The following FBLN7 variants were observed in gnomAD, a reference collection of about 807,000 sequenced individuals.
The protein encoded by FBLN7 is fibulin 7, also known as fibulin-7.
A neutral mutation model predicts 44.0 loss-of-function variants in FBLN7; 31 were observed. The ratio of observed to expected loss-of-function variants is 0.70; its 90% CI spans 0.53 to 0.95. FBLN7 has a LOEUF of 0.95. FBLN7 is among the 40% of genes least tolerant of loss of function. FBLN7 has a pLI of 0.00. For synonymous variants in FBLN7, 262 were observed against 253.4 expected (o/e 1.03, Z -0.32); for missense variants, 573 against 618.5 (o/e 0.93, Z 0.78).
intron 4 of FBLN7, among the ~76,000 whole-genome samples, chr2:112,180,526 T>C (rs1682927101): frequency 6.6e-6 from 1 of 152,074 alleles, no homozygotes; most frequent in African/African-American, 2.4e-5. Flanking sequence ...CATTCTACCA[T>C]AAAGACACAT....
At chr2:112,231,567 A>G in the FBLN7 span, among the ~76,000 whole-genome samples, 1 of 152,186 alleles carries the variant, frequency 6.6e-6, no homozygotes, top group Non-Finnish European at 1.5e-5. Flanking sequence ...TGCTTTGTTT[A>G]GCTTAGCTTA....
the FBLN7 span, chr2:112,216,489 C>G: frequency 3.3e-5 from 5 of 152,172 alleles, no homozygotes; most frequent in Admixed American, 3.3e-4. Context: ...AAACAGAGAA[C>G]AAAAACACAT....
Position 112,165,072 on chromosome 2 carries a change from G to C in FBLN7, c.307G>C (p.Val103Leu), listed in dbSNP as rs747336115. The part of the protein sequence containing the change: ...FGSKYLVDHE[V>L]HFTCNPGFRL... The stretch of plus-strand genomic sequence containing the variant: ...AAGCAAGTACTTAGTGGATCACGAA[G>C]TCCATTTTACCTGCAACCCTGGGTT... The change falls in exon 3 of 8, where the codon GTC becomes CTC. Residue 103 changes from valine to leucine, a missense_variant. By Grantham distance (32) the Val-to-Leu change is conservative. Coordinates refer to ENST00000331203, the MANE Select transcript of FBLN7 (RefSeq NM_153214.3). 3 of 1,614,198 alleles carry C rather than the reference G, an allele frequency of 1.9e-6. No individual in the cohort carries two copies. The Admixed American group carries it at 5.0e-5, about 27-fold the overall frequency.
chr2:112,193,343 G>A, the FBLN7 span, among the ~76,000 whole-genome samples: 3 of 152,192 alleles, frequency 2.0e-5, no homozygotes, highest in Non-Finnish European at 4.4e-5. Flanking sequence ...TGGAGGCTGA[G>A]GCAGGAGAAT....
chr2:112,214,481 A>G, the FBLN7 span: 2 of 152,020 alleles, frequency 1.3e-5, no homozygotes, highest in African/African-American at 4.8e-5. Context: ...GTTTTATTAT[A>G]TATATATTAT....
intron 5 of FBLN7, among the ~76,000 whole-genome samples, chr2:112,182,440 G>A (rs1212791733): frequency 6.6e-6 from 1 of 152,186 alleles, no homozygotes; most frequent in Non-Finnish European, 1.5e-5. Flanking sequence ...AGTTAACATG[G>A]GGCTGTTAAC....
the FBLN7 span, among the ~76,000 whole-genome samples, chr2:112,199,690 C>G: frequency 4.3e-4 from 65 of 152,286 alleles, no homozygotes; most frequent in Middle Eastern, 0.017. Flanking sequence ...CCCAAATGTT[C>G]ATGTGTTGGA....
At chr2:112,238,626 T>C in the FBLN7 span, 3 of 948,318 alleles carry the variant, frequency 3.2e-6, no homozygotes, top group East Asian at 2.4e-5. Flanking sequence ...CTGGTCATTG[T>C]TGAAGGTGGG....
chr2:112,160,432 T>C (rs917555277), intron 2 of FBLN7, among the ~76,000 whole-genome samples: 4 of 152,230 alleles, frequency 2.6e-5, no homozygotes, highest in Non-Finnish European at 5.9e-5. Flanking sequence ...CCTTAACAAC[T>C]ATCACGTCTT....
At chr2:112,161,784 A>G (rs982762326) in intron 2 of FBLN7, among the ~76,000 whole-genome samples, 2 of 152,214 alleles carry the variant, frequency 1.3e-5, no homozygotes, top group Non-Finnish European at 2.9e-5. Context: ...AATGTACAAC[A>G]TTTTTTAAAG....
Position 112,188,169 on chromosome 2 carries a change from A to G in FBLN7, c.*663A>G, listed in dbSNP as rs1558900474. 1 of 152,434 alleles carries G rather than the reference A, an allele frequency of 6.6e-6. No individual in the cohort carries two copies. The highest frequency in any genetic ancestry group is 1.9e-4 in the East Asian group (1 of 5,180). 9.4% of individuals were successfully genotyped at this position (152,434 alleles called of 1,614,324 possible). A position where few individuals can be genotyped will look rare whatever the true frequency, so the allele number is the denominator to read the frequency against. Reference sequence around the variant, plus strand: ...TTTTGAGAAATCATATCTCAAATACATAACCTGGTAATATAACTGAAAAAA... The same window carrying G: ...TTTTGAGAAATCATATCTCAAATACGTAACCTGGTAATATAACTGAAAAAA... On this transcript the variant is annotated 3_prime_UTR_variant, in exon 8 of 8. Transcript: ENST00000331203.
At chr2:112,151,016 G>A (rs1681132442) in intron 1 of FBLN7, among the ~76,000 whole-genome samples, 1 of 152,162 alleles carries the variant, frequency 6.6e-6, no homozygotes, top group East Asian at 1.9e-4. Flanking sequence ...CTTCTAAGTC[G>A]AAGTGGAAAG....
chr2:112,141,979 CTT>C (rs1186379138), intron 1 of FBLN7, among the ~76,000 whole-genome samples: 2 of 152,214 alleles, frequency 1.3e-5, no homozygotes, highest in Non-Finnish European at 2.9e-5. Flanking sequence ...ACCTTACTGT[CTT>C]GAGCTGCAAA....
chr2:112,230,354 C>T, the FBLN7 span, among the ~76,000 whole-genome samples: 1 of 152,118 alleles, frequency 6.6e-6, no homozygotes, highest in African/African-American at 2.4e-5. Flanking sequence ...TTGGCACATA[C>T]TGTGGATAAC....
rs1255660681 is a variant in FBLN7 at position 112,181,857 on chromosome 2, C to G, written c.651C>G (p.Ala217=). ...CCGGATTCCACCTGAGCGGCGCCGCCGGCGACAGCGTCTGCCAGGGTAGGC... is the reference window on the plus strand; with the variant it reads ...CCGGATTCCACCTGAGCGGCGCCGCGGGCGACAGCGTCTGCCAGGGTAGGC... The part of the protein sequence containing the change: ...CEAGFHLSGA[A]GDSVCQDVNE... The change falls in exon 5 of 8, where the codon GCC becomes GCG. Residue 217 remains alanine (A), a synonymous_variant. Transcript: ENST00000331203. 7.8e-6 allele frequency: 12 copies of G among 1,529,050 alleles called. No homozygotes were observed. The highest frequency in any genetic ancestry group is 7.1e-5 in the South Asian group (6 of 84,210). The allele number at this position is 1,529,050 out of a possible 1,614,324, so 94.7% of individuals were successfully genotyped here.
In FBLN7 at chr2:112,175,801, G is replaced by A. The variant is rs752931382; in HGVS notation, c.494G>A (p.Gly165Glu). The change falls in exon 4 of 8, where the codon GGA becomes GAA. Residue 165 changes from glycine (G) to glutamate (E), a missense_variant. Coordinates refer to ENST00000331203, the MANE Select transcript of FBLN7 (RefSeq NM_153214.3). Reference protein sequence around the residue: ...VNQYRCICPPGRTGNRCQHQA... With the variant: ...VNQYRCICPPERTGNRCQHQA... The stretch of plus-strand genomic sequence containing the variant: ...CAGTACAGATGCATTTGTCCTCCAG[G>A]AAGGACTGGGAACCGCTGTCAGCAT... 4.3e-6 allele frequency: 7 copies of A among 1,614,058 alleles called. No individual in the cohort carries two copies. In the South Asian group the frequency reaches 6.6e-5, roughly 15 times the overall value.
chr2:112,150,812 C>T (rs935879826), intron 1 of FBLN7, among the ~76,000 whole-genome samples: 4 of 152,116 alleles, frequency 2.6e-5, no homozygotes, highest in African/African-American at 7.2e-5. Context: ...ATGCTAAATA[C>T]GTGACAGGAG....
the FBLN7 span, among the ~76,000 whole-genome samples, chr2:112,241,767 G>C: frequency 6.6e-6 from 1 of 152,102 alleles, no homozygotes; most frequent in African/African-American, 2.4e-5. Context: ...TAACTGCTCT[G>C]CTAGGTCTTA....
chr2:112,215,008 G>T, the FBLN7 span: 66 of 151,968 alleles, frequency 4.3e-4, 3 homozygotes, highest in Admixed American at 4.1e-3. Flanking sequence ...AAGTGAGATG[G>T]GTACTGCCTC....
Sources: gnomAD v4.1 joint callset for allele counts (sites outside exome capture counted in the v4.1 genomes callset) on GRCh38, gnomAD v4.1.1 for gene constraint, MANE v1.5 for transcripts, NCBI Gene and HGNC (gene_info 2026-07-23, HGNC 2026-07-21) for gene names.